Variants in RBMS1 observed in about 807,000 individuals in gnomAD.
RBMS1 encodes the protein RNA binding motif single stranded interacting protein 1, also known as RNA-binding motif, single-stranded-interacting protein 1.
RBMS1 carries 17 observed loss-of-function variants against 62.3 expected under a neutral mutation model. The observed-to-expected ratio is 0.27, with a 90% CI of 0.19 to 0.41. The LOEUF is 0.41. RBMS1 is among the 10% of genes least tolerant of loss of function. The pLI is 1.00. For missense variants in RBMS1, 334 were observed against 504.5 expected (o/e 0.66, Z 3.24); for synonymous variants, 172 against 170.0 (o/e 1.01, Z -0.09).
intron 2 of RBMS1, among the ~76,000 whole-genome samples, chr2:160,345,965 C>T (rs1333333925): frequency 2.0e-5 from 3 of 152,048 alleles, no homozygotes; most frequent in African/African-American, 4.8e-5. Context: ...AGTGAAGGAG[C>T]GTTAGTAACT....
chr2:160,358,904 A>G (rs1692958120), intron 2 of RBMS1, among the ~76,000 whole-genome samples: 2 of 152,174 alleles, frequency 1.3e-5, no homozygotes, highest in Non-Finnish European at 2.9e-5. Context: ...AGAAATAAAA[A>G]TTCACTAGAT....
rs1426002443 is a variant in RBMS1 at position 160,493,305 on chromosome 2, T to C, written c.59A>G (p.Gln20Arg). The C allele has an allele frequency of 3.7e-6, 6 of 1,613,172 alleles. No individual in the cohort carries two copies. In the African/African-American group the frequency reaches 4.0e-5, roughly 11 times the overall value. Residue 20 changes from glutamine to arginine, a missense_variant, in exon 1 of 14, where the codon CAG (glutamine) becomes CGG (arginine). By Grantham distance (43) the Gln-to-Arg change is conservative (BLOSUM62 1). This residue lies in a region of RBMS1 where 150 missense variants were observed against 228.0 expected (regional missense o/e 0.66). Coordinates refer to ENST00000348849, the MANE Select transcript of RBMS1 (RefSeq NM_016836.4). ...CCCCTTTACCTTGGCTTGCAGATAC[T>C]GGGGGTAATAGTAGGTGGCGTACTG... is the stretch of plus-strand genomic sequence containing the variant. ...YPQYATYYYPQYLQAKQSLVP... is the reference protein window; with the variant it reads ...YPQYATYYYPRYLQAKQSLVP...
At chr2:160,478,311 C>T (rs1487649218) in intron 1 of RBMS1, among the ~76,000 whole-genome samples, 2 of 152,294 alleles carry the variant, frequency 1.3e-5, no homozygotes, top group Admixed American at 6.5e-5. Flanking sequence ...CGGTGAAGGA[C>T]GCTTAAAACA....
chr2:160,491,543 T>C (rs962696180), intron 1 of RBMS1, among the ~76,000 whole-genome samples: 7 of 152,204 alleles, frequency 4.6e-5, no homozygotes, highest in Non-Finnish European at 7.3e-5. Flanking sequence ...TTAGCTACAT[T>C]AAATGGTATG....
At chr2:160,318,699 C>A (rs1424112601) in intron 2 of RBMS1, among the ~76,000 whole-genome samples, 1 of 152,196 alleles carries the variant, frequency 6.6e-6, no homozygotes, top group East Asian at 1.9e-4. Flanking sequence ...CTGTGGACAC[C>A]ATTGCAAGGC....
intron 4 of RBMS1, among the ~76,000 whole-genome samples, chr2:160,306,574 CG>C (rs372491631): frequency 4.0e-5 from 6 of 151,076 alleles, no homozygotes; most frequent in African/African-American, 1.2e-4. Flanking sequence ...TCTTTTCAAA[CG>C]GTCAACATAT....
intron 2 of RBMS1, among the ~76,000 whole-genome samples, chr2:160,318,606 G>T (rs1483370270): frequency 6.6e-6 from 1 of 152,202 alleles, no homozygotes; most frequent in African/African-American, 2.4e-5. Context: ...ATTCTAACAG[G>T]AAAGTACTGT....
At chr2:160,348,623 A>T (rs539942092) in intron 2 of RBMS1, among the ~76,000 whole-genome samples, 1 of 152,276 alleles carries the variant, frequency 6.6e-6, no homozygotes, top group East Asian at 1.9e-4. Flanking sequence ...ACCTGCACTG[A>T]TCAAATACAG....
intron 2 of RBMS1, among the ~76,000 whole-genome samples, chr2:160,336,906 T>A (rs1375398641): frequency 6.6e-6 from 1 of 152,178 alleles, no homozygotes. Flanking sequence ...ATTTAAACCA[T>A]GGCTAACACA....
At position 160,493,521 on chromosome 2, in the gene RBMS1, G is replaced by GTCC. The variant is rs1237269335; in HGVS notation, c.-161_-159dup. The GTCC allele has an allele frequency of 6.8e-4, 420 of 621,588 alleles. 1 individual carries two copies. The highest frequency in any genetic ancestry group is 4.8e-3 in the African/African-American group (248 of 51,620). 38.5% of individuals were successfully genotyped at this position (621,588 alleles called of 1,614,324 possible). A position where few individuals can be genotyped will look rare whatever the true frequency, so the allele number is the denominator to read the frequency against. ...CTCCACCTCCCAGCCGGGACCAGAC[G>GTCC]TCCTCCTCCTCCTCCTCCTCTTCCT... On this transcript the variant is annotated 5_prime_UTR_variant, in exon 1 of 14. Coordinates refer to ENST00000348849, the MANE Select transcript of RBMS1 (RefSeq NM_016836.4).
At chr2:160,350,452 G>A (rs1476979696) in intron 2 of RBMS1, among the ~76,000 whole-genome samples, 1 of 152,074 alleles carries the variant, frequency 6.6e-6, no homozygotes, top group African/African-American at 2.4e-5. Context: ...CAAATGAACA[G>A]CCCTGTAAAG....
At chr2:160,425,223 G>A (rs1682500231) in intron 1 of RBMS1, among the ~76,000 whole-genome samples, 1 of 152,124 alleles carries the variant, frequency 6.6e-6, no homozygotes, top group South Asian at 2.1e-4. Flanking sequence ...CTTGTTCAGT[G>A]CCTCTGTAAA....
chr2:160,463,932 A>G (rs975345338), intron 1 of RBMS1, among the ~76,000 whole-genome samples: 13 of 152,210 alleles, frequency 8.5e-5, no homozygotes. Flanking sequence ...TATGAAAAGG[A>G]ATTTGAATTT....
intron 1 of RBMS1, among the ~76,000 whole-genome samples, chr2:160,452,499 G>A (rs1263602659): frequency 6.6e-6 from 1 of 152,112 alleles, no homozygotes; most frequent in Non-Finnish European, 1.5e-5. Context: ...GTAAATAGTG[G>A]TTATACTATA....
intron 1 of RBMS1, among the ~76,000 whole-genome samples, chr2:160,446,234 C>G (rs1316419073): frequency 2.6e-5 from 4 of 152,190 alleles, no homozygotes; most frequent in Non-Finnish European, 1.5e-5. Context: ...CCAGCCTCAT[C>G]CAATACTTGA....
intron 10 of RBMS1, 77 bp downstream of exon 10, chr2:160,281,237 G>A (rs1458536913): frequency 8.6e-6 from 10 of 1,164,072 alleles, no homozygotes; most frequent in Non-Finnish European, 1.1e-5. Flanking sequence ...ACCACCCTTG[G>A]CAAATGGTTT....
At position 160,318,229 on chromosome 2, in the gene RBMS1, TAAAAAAA is replaced by T. The variant is rs5835799; in HGVS notation, c.252-9_252-3del. The T allele has an allele frequency of 5.9e-5, 69 of 1,164,596 alleles. No homozygotes were observed. The highest frequency in any genetic ancestry group is 3.1e-4 in the Middle Eastern group (1 of 3,236). 72.1% of individuals were successfully genotyped at this position (1,164,596 alleles called of 1,614,324 possible). On this transcript the variant is annotated splice_polypyrimidine_tract_variant and splice_region_variant and intron_variant, in intron 2 of 13. Transcript: ENST00000348849. ...TTTGTGGAGACTATTTTCCCATATC[TAAAAAAA>T]AAAAAAAAAAAAAAAAGGAAAAAAA... is the stretch of plus-strand genomic sequence containing the variant.
At chr2:160,289,174 C>G (rs148440852) in intron 6 of RBMS1, among the ~76,000 whole-genome samples, 6 of 151,974 alleles carry the variant, frequency 3.9e-5, no homozygotes, top group African/African-American at 7.3e-5. Flanking sequence ...AGGTAAACAT[C>G]AAGGGAGTGA....
At chr2:160,278,425 G>T in intron 11 of RBMS1, 123 bp downstream of exon 11, 1 of 777,622 alleles carries the variant, frequency 1.3e-6, no homozygotes, top group Non-Finnish European at 2.2e-6. Flanking sequence ...TCATGTGGGG[G>T]GAAGAGAGGG....
Sources: allele counts gnomAD v4.1 joint callset (sites outside exome capture counted in the v4.1 genomes callset), GRCh38; gene constraint gnomAD v4.1.1; regional missense constraint gnomAD v4.1.1; transcripts MANE v1.5; gene names NCBI Gene and HGNC (gene_info 2026-07-23, HGNC 2026-07-21).